SMARCC1: variants seen among roughly 807,000 people sequenced by gnomAD.
The protein encoded by SMARCC1 is SWI/SNF complex subunit SMARCC1.
SMARCC1 carries 43 observed loss-of-function variants against 147.4 expected under a neutral mutation model. The ratio of observed to expected loss-of-function variants is 0.29; its 90% CI spans 0.23 to 0.38. The LOEUF is 0.38. Ranked by LOEUF, SMARCC1 falls within the 10% of genes least tolerant of loss-of-function variation. The probability of loss-of-function intolerance (pLI) is 1.00; values close to 1 mark genes in which losing one functional copy is unlikely to be tolerated. For synonymous variants in SMARCC1, 495 were observed against 484.4 expected (o/e 1.02, Z -0.29); for missense variants, 1,119 against 1,381.1 (o/e 0.81, Z 3.01).
intron 5 of SMARCC1, among the ~76,000 whole-genome samples, chr3:47,729,462 A>T (rs537662625): frequency 4.3e-4 from 66 of 152,174 alleles, no homozygotes; most frequent in Non-Finnish European, 8.1e-4. Flanking sequence ...GGCTCACTGC[A>T]ACCTCCTCCG....
chr3:47,635,399 T>C, intron 23 of SMARCC1, 55 bp from the exon 24 acceptor site: 2 of 1,467,678 alleles, frequency 1.4e-6, no homozygotes, highest in South Asian at 1.1e-5. Flanking sequence ...AAACCCATCT[T>C]TCTCCTTACC....
chr3:47,689,984 T>C (rs989091204), intron 12 of SMARCC1, among the ~76,000 whole-genome samples: 1 of 152,182 alleles, frequency 6.6e-6, no homozygotes, highest in Non-Finnish European at 1.5e-5. Flanking sequence ...CAAGTTACAT[T>C]ATTATATGCC....
chr3:47,697,149 T>C (rs1576414472), intron 11 of SMARCC1, among the ~76,000 whole-genome samples: 1 of 152,150 alleles, frequency 6.6e-6, no homozygotes, highest in East Asian at 1.9e-4. Context: ...GGCAAGACCG[T>C]GTCTCTACAA....
Position 47,610,388 on chromosome 3 carries a change from A to G in SMARCC1, c.2782-61T>C. 6 of 1,566,836 alleles carry G rather than the reference A, an allele frequency of 3.8e-6. No homozygotes were observed. The South Asian group carries it at 6.7e-5, about 18-fold the overall frequency. On this transcript the variant is annotated intron_variant, in intron 25 of 27. Coordinates refer to ENST00000254480, the MANE Select transcript of SMARCC1 (RefSeq NM_003074.4). Reference sequence around the variant, plus strand: ...GAAGAGGCTTTCAGGATTGGATAACACAAAGGACAACTACATAATGCCTGA... The same window carrying G: ...GAAGAGGCTTTCAGGATTGGATAACGCAAAGGACAACTACATAATGCCTGA...
rs1002539959 is a variant in SMARCC1, at chr3:47,588,135, T to C, written c.*74A>G. 1.7e-6 allele frequency: 2 copies of C among 1,211,360 alleles called. No homozygotes were observed. Among genetic ancestry groups the C allele is most frequent in the Non-Finnish European group, 2.4e-6 (2 of 835,798 alleles). 75.0% of individuals were successfully genotyped at this position (1,211,360 alleles called of 1,614,324 possible). ...AAATCCTGAAAGAAACCCAAGAAAG[T>C]TGAGGAACACAAGTCTTGTCATCCC... On this transcript the variant is annotated 3_prime_UTR_variant, in exon 28 of 28. Transcript: ENST00000254480.
intron 11 of SMARCC1, among the ~76,000 whole-genome samples, chr3:47,695,374 T>C (rs1344588743): frequency 6.6e-6 from 1 of 152,188 alleles, no homozygotes; most frequent in Non-Finnish European, 1.5e-5. Context: ...ATATCTCAAT[T>C]AAAACAATGC....
chr3:47,680,238 A>C, intron 15 of SMARCC1, 199 bp downstream of exon 15: 1 of 485,886 alleles, frequency 2.1e-6, no homozygotes, highest in South Asian at 2.3e-5. Flanking sequence ...ACACCAAAAA[A>C]AACCCCCCAA....
At chr3:47,779,384 T>A (rs1325469688) in intron 1 of SMARCC1, among the ~76,000 whole-genome samples, 2 of 152,222 alleles carry the variant, frequency 1.3e-5, no homozygotes, top group Non-Finnish European at 2.9e-5. Context: ...AGAAATGCAC[T>A]GTGTAGAAAA....
intron 21 of SMARCC1, among the ~76,000 whole-genome samples, chr3:47,654,597 AC>A (rs1011419171): frequency 7.2e-5 from 11 of 152,356 alleles, no homozygotes; most frequent in Admixed American, 5.2e-4. Context: ...TATTTAGCTC[AC>A]AGTTCCACAG....
intron 12 of SMARCC1, among the ~76,000 whole-genome samples, chr3:47,691,185 T>C (rs2033785320): frequency 6.6e-6 from 1 of 152,216 alleles, no homozygotes; most frequent in South Asian, 2.1e-4. Flanking sequence ...ATTCAATAAA[T>C]GTTCTCTTCC....
chr3:47,657,869 G>A (rs1395576770), intron 21 of SMARCC1, among the ~76,000 whole-genome samples: 1 of 151,670 alleles, frequency 6.6e-6, no homozygotes, highest in African/African-American at 2.4e-5. Context: ...AATAAATACA[G>A]CAAAACTTAT....
At chr3:47,746,960 C>T (rs2034570986) in intron 2 of SMARCC1, among the ~76,000 whole-genome samples, 1 of 151,860 alleles carries the variant, frequency 6.6e-6, no homozygotes, top group African/African-American at 2.4e-5. Flanking sequence ...GAACTCCCAA[C>T]CTCAGGTGAT....
intron 25 of SMARCC1, among the ~76,000 whole-genome samples, chr3:47,615,705 CAG>C (rs951369974): frequency 2.0e-5 from 3 of 151,932 alleles, no homozygotes; most frequent in Non-Finnish European, 4.4e-5. Context: ...TTTTTTAAGA[CAG>C]AGTTTTGCTC....
At chr3:47,698,987 A>G (rs962995354) in intron 11 of SMARCC1, among the ~76,000 whole-genome samples, 2 of 152,178 alleles carry the variant, frequency 1.3e-5, no homozygotes, top group African/African-American at 4.8e-5. Context: ...CTATGTGGGG[A>G]ATAAAATTAA....
At chr3:47,680,091 T>C (rs1444791402) in intron 15 of SMARCC1, 1 of 205,276 alleles carries the variant, frequency 4.9e-6, no homozygotes, top group East Asian at 1.6e-4. Context: ...TGTGGTGACA[T>C]GTGCCTGTAG....
At chr3:47,631,681 G>T (rs1346580320) in intron 24 of SMARCC1, among the ~76,000 whole-genome samples, 1 of 152,164 alleles carries the variant, frequency 6.6e-6, no homozygotes, top group Non-Finnish European at 1.5e-5. Flanking sequence ...CATCTGTTTA[G>T]GAGATAGACC....
intron 24 of SMARCC1, among the ~76,000 whole-genome samples, chr3:47,625,238 T>G (rs577095507): frequency 6.6e-6 from 1 of 150,930 alleles, no homozygotes. Flanking sequence ...GGTGGGTGGA[T>G]CACTTGAGGC....
intron 26 of SMARCC1, among the ~76,000 whole-genome samples, chr3:47,607,516 T>C (rs1428799064): frequency 2.6e-5 from 4 of 152,184 alleles, no homozygotes; most frequent in Non-Finnish European, 5.9e-5. Flanking sequence ...TCTTACAAGA[T>C]GACTTTCACT....
intron 26 of SMARCC1, among the ~76,000 whole-genome samples, chr3:47,605,830 C>T (rs1234357836): frequency 1.3e-5 from 2 of 151,992 alleles, no homozygotes; most frequent in Non-Finnish European, 2.9e-5. Context: ...ATTGTGGTTA[C>T]ATTTAGATAA....
Sources: allele counts gnomAD v4.1 joint callset (sites outside exome capture counted in the v4.1 genomes callset), GRCh38; gene constraint gnomAD v4.1.1; transcripts MANE v1.5; gene names NCBI Gene and HGNC (gene_info 2026-07-23, HGNC 2026-07-21).